The following GRM5 variants were observed in gnomAD, a reference collection of about 807,000 sequenced individuals.
GRM5 encodes the protein glutamate metabotropic receptor 5.
GRM5 carries 19 observed loss-of-function variants against 83.1 expected under a neutral mutation model. That is an observed-to-expected ratio of 0.23 (90% confidence interval 0.16 to 0.34). GRM5 has a LOEUF of 0.34. Among genes scored for constraint, GRM5 ranks in the 10% least tolerant of loss-of-function variants. GRM5 has a pLI of 1.00. For missense variants in GRM5, 1,160 were observed against 1,588.3 expected (o/e 0.73, Z 4.58); for synonymous variants, 675 against 633.6 (o/e 1.07, Z -0.98).
chr11:88,780,212 C>A (rs958175793), intron 3 of GRM5, among the ~76,000 whole-genome samples: 1 of 152,138 alleles, frequency 6.6e-6, no homozygotes, highest in African/African-American at 2.4e-5. Flanking sequence ...GCTGGAATGC[C>A]CTTAAATATT....
rs113906752 is a variant in GRM5 at position 89,056,692 on chromosome 11, T to C, written c.-200-8620A>G. 3.5e-3 allele frequency among the ~76,000 whole-genome samples: 529 copies of C among 152,210 alleles called. 5 individuals are homozygous for C. Among genetic ancestry groups the C allele is most frequent in the Non-Finnish European group, 1.7e-3 (116 of 67,970 alleles). The stretch of plus-strand genomic sequence containing the variant: ...AATGGGGAGGCATTAATTCTTGTAA[T>C]GATAAAAAAGCTTTTAAAATGTTAT... On this transcript the variant is annotated intron_variant, in intron 1 of 9. Transcript: ENST00000305447.
At chr11:89,006,422 CCCTGCTTCCA>C (rs1488198221) in intron 2 of GRM5, among the ~76,000 whole-genome samples, 1 of 152,196 alleles carries the variant, frequency 6.6e-6, no homozygotes, top group Non-Finnish European at 1.5e-5. Context: ...CTAACTCTCT[CCCTGCTTCCA>C]CCTGGACCCC....
chr11:88,585,479 C>T (rs1943294227), intron 7 of GRM5, among the ~76,000 whole-genome samples: 1 of 151,854 alleles, frequency 6.6e-6, no homozygotes, highest in Admixed American at 6.6e-5. Flanking sequence ...AAATATTTAC[C>T]ATAGTTTACC....
chr11:88,559,321 C>T (rs1447138698), intron 8 of GRM5, among the ~76,000 whole-genome samples: 2 of 152,110 alleles, frequency 1.3e-5, no homozygotes, highest in South Asian at 2.1e-4. Flanking sequence ...AGTTTTTCCT[C>T]AGTTAGGGCT....
At chr11:88,514,952 A>G (rs1458034807) in intron 9 of GRM5, among the ~76,000 whole-genome samples, 3 of 152,180 alleles carry the variant, frequency 2.0e-5, no homozygotes, top group African/African-American at 4.8e-5. Context: ...CAGTGGTTAC[A>G]TGTTTCCACA....
chr11:88,934,351 A>G (rs1937820550), intron 2 of GRM5, among the ~76,000 whole-genome samples: 1 of 151,858 alleles, frequency 6.6e-6, no homozygotes, highest in Admixed American at 6.6e-5. Context: ...CTAATAACTA[A>G]GTATTGCACA....
chr11:88,836,621 G>T (rs1418171381), intron 3 of GRM5, among the ~76,000 whole-genome samples: 1 of 151,974 alleles, frequency 6.6e-6, no homozygotes, highest in African/African-American at 2.4e-5. Context: ...GCAAAAGCTT[G>T]TCTCTAATAA....
intron 2 of GRM5, among the ~76,000 whole-genome samples, chr11:89,018,278 C>G (rs903286487): frequency 6.6e-6 from 1 of 151,990 alleles, no homozygotes; most frequent in South Asian, 2.1e-4. Context: ...CAAATCCAAC[C>G]CCCAGAATAG....
At chr11:88,714,435 A>T (rs1234138898) in intron 3 of GRM5, among the ~76,000 whole-genome samples, 1 of 152,034 alleles carries the variant, frequency 6.6e-6, no homozygotes, top group Non-Finnish European at 1.5e-5. Flanking sequence ...CATTGTGTTC[A>T]TTCATGGTAA....
chr11:88,884,280 G>A (rs760402119), intron 2 of GRM5, among the ~76,000 whole-genome samples: 5 of 152,160 alleles, frequency 3.3e-5, no homozygotes, highest in Admixed American at 2.6e-4. Flanking sequence ...GATCATTTTC[G>A]AACTTTAATG....
chr11:88,731,237 A>G (rs1355387565), intron 3 of GRM5, among the ~76,000 whole-genome samples: 1 of 151,922 alleles, frequency 6.6e-6, no homozygotes, highest in Non-Finnish European at 1.5e-5. Context: ...ATAATTCACC[A>G]CTTCTACTTA....
In GRM5 at chr11:88,839,090, C is replaced by T. The variant is rs1944145928; in HGVS notation, c.911+10816G>A. ...CTGGACTTTAAATGCCACCCCTTCC[C>T]ACATTTTTATGCATTTTATACTATT... On this transcript the variant is annotated intron_variant, in intron 3 of 9. Coordinates refer to ENST00000305447, the MANE Select transcript of GRM5 (RefSeq NM_001143831.3). 2.0e-5 allele frequency among the ~76,000 whole-genome samples: 3 copies of T among 152,172 alleles called. No individual in the cohort carries two copies. The South Asian group carries it at 6.2e-4, about 32-fold the overall frequency.
chr11:88,509,438 C>T lies in GRM5; in HGVS notation c.2793G>A (p.Gln931=), dbSNP rs1035441353. 12 of 1,612,762 alleles carry T rather than the reference C, an allele frequency of 7.4e-6. No homozygotes were observed. The highest frequency in any genetic ancestry group is 1.0e-5 in the Non-Finnish European group (12 of 1,179,836). Reference sequence around the variant, plus strand: ...TCTTGTTGATGTGGATGGACAGGCGCTGCCACAGGTGCTGCCCCCGGCTGC... The same window carrying T: ...TCTTGTTGATGTGGATGGACAGGCGTTGCCACAGGTGCTGCCCCCGGCTGC... ...EKSSRGQHLW[Q]RLSIHINKKE... The change falls in exon 10 of 10, where the codon CAG becomes CAA. Residue 931 remains glutamine (Q), a synonymous_variant. Coordinates refer to ENST00000305447, the MANE Select transcript of GRM5 (RefSeq NM_001143831.3).
chr11:89,035,211 A>G (rs1353111279), intron 2 of GRM5, among the ~76,000 whole-genome samples: 1 of 151,748 alleles, frequency 6.6e-6, no homozygotes. Flanking sequence ...TATTGTCAAC[A>G]TCATTTGTAG....
chr11:88,687,548 A>ATAT (rs1476140515), intron 3 of GRM5, among the ~76,000 whole-genome samples: 1 of 10,114 alleles, frequency 9.9e-5, no homozygotes, highest in South Asian at 0.012. Flanking sequence ...ACACACACAC[A>ATAT]CACACATATA....
intron 2 of GRM5, among the ~76,000 whole-genome samples, chr11:88,965,614 A>G (rs1234681103): frequency 2.0e-5 from 3 of 151,794 alleles, no homozygotes; most frequent in East Asian, 1.9e-4. Context: ...GAGTAGCAAT[A>G]TTAATAACAG....
At chr11:88,731,907 C>T (rs781302043) in intron 3 of GRM5, among the ~76,000 whole-genome samples, 1 of 152,050 alleles carries the variant, frequency 6.6e-6, no homozygotes, top group Non-Finnish European at 1.5e-5. Flanking sequence ...TGTGTTCCAG[C>T]TGCAGGCTGA....
rs553296175 is a variant in GRM5, at chr11:88,565,117, C to G, written c.2630+1936G>C. Among the ~76,000 whole-genome samples, 5 of 151,100 alleles carry G rather than the reference C, an allele frequency of 3.3e-5. 1 individual carries two copies. The South Asian group carries it at 1.0e-3, about 31-fold the overall frequency. Reference sequence around the variant, plus strand: ...GTCTATGAAGTATGCATTTCTTTATCTCCATTTTTTCGGAGGAAGAAATCA... The same window carrying G: ...GTCTATGAAGTATGCATTTCTTTATGTCCATTTTTTCGGAGGAAGAAATCA... On this transcript the variant is annotated intron_variant, in intron 8 of 9. Coordinates refer to ENST00000305447, the MANE Select transcript of GRM5 (RefSeq NM_001143831.3).
chr11:88,999,493 A>G (rs1940299956), intron 2 of GRM5, among the ~76,000 whole-genome samples: 1 of 152,220 alleles, frequency 6.6e-6, no homozygotes, highest in Non-Finnish European at 1.5e-5. Context: ...AAAATTTCTC[A>G]TCATCACTGG....
Sources: gnomAD v4.1 joint callset for allele counts (sites outside exome capture counted in the v4.1 genomes callset) on GRCh38, gnomAD v4.1.1 for gene constraint, MANE v1.5 for transcripts, NCBI Gene and HGNC (gene_info 2026-07-23, HGNC 2026-07-21) for gene names.